KIAA1217: variants seen among roughly 807,000 people sequenced by gnomAD.
The protein encoded by KIAA1217 is KIAA1217, also known as sickle tail protein homolog.
Under a neutral mutation model 163.9 loss-of-function variants are expected in KIAA1217, and 88 were observed. The ratio of observed to expected loss-of-function variants is 0.54; its 90% CI spans 0.45 to 0.64. The LOEUF (loss-of-function observed/expected upper bound fraction) is 0.64, where lower values mean the gene tolerates loss of function less well. Ranked by LOEUF, KIAA1217 falls within the 30% of genes least tolerant of loss-of-function variation. The probability of loss-of-function intolerance (pLI) is 0.00; values close to 1 mark genes in which losing one functional copy is unlikely to be tolerated. For synonymous variants in KIAA1217, 903 were observed against 923.1 expected, an observed-to-expected ratio of 0.98 and a Z score of 0.39; for missense variants, 2,372 against 2,475.0, an observed-to-expected ratio of 0.96 and a Z score of 0.88.
intron 7 of KIAA1217, 22 bp from the exon 8 acceptor site, chr10:24,495,125 A>C (rs1469304256): frequency 1.2e-6 from 2 of 1,603,800 alleles, no homozygotes; most frequent in Non-Finnish European, 1.7e-6. Context: ...TGCATAGCTG[A>C]CTCTCTTTTT....
chr10:24,488,086 A>G (rs1002544921), intron 6 of KIAA1217, among the ~76,000 whole-genome samples: 1 of 152,218 alleles, frequency 6.6e-6, no homozygotes, highest in Non-Finnish European at 1.5e-5. Flanking sequence ...GTTTGTATGA[A>G]TAAGAGAAAT....
intron 2 of KIAA1217, among the ~76,000 whole-genome samples, chr10:24,276,826 T>TCA (rs1480541986): frequency 6.6e-6 from 1 of 152,086 alleles, no homozygotes; most frequent in Non-Finnish European, 1.5e-5. Flanking sequence ...GCCAGGCTGG[T>TCA]CTGGAACTCC....
intron 1 of KIAA1217, among the ~76,000 whole-genome samples, chr10:23,799,204 C>A (rs1285008227): frequency 6.6e-6 from 1 of 152,128 alleles, no homozygotes; most frequent in Non-Finnish European, 1.5e-5. Context: ...AGGCCCAACC[C>A]TAACAACTTC....
chr10:24,171,482 TA>T (rs1208041347), intron 2 of KIAA1217, among the ~76,000 whole-genome samples: 1 of 152,248 alleles, frequency 6.6e-6, no homozygotes, highest in East Asian at 1.9e-4. Flanking sequence ...TAAATGTTTT[TA>T]AAAGTTAATA....
At chr10:23,832,915 T>C (rs1016338049) in intron 1 of KIAA1217, among the ~76,000 whole-genome samples, 6 of 151,962 alleles carry the variant, frequency 3.9e-5, no homozygotes, top group Non-Finnish European at 7.4e-5. Flanking sequence ...AAAACTCCCT[T>C]TTTGAAAAAC....
At chr10:23,850,346 G>C (rs1839249777) in intron 1 of KIAA1217, among the ~76,000 whole-genome samples, 1 of 152,126 alleles carries the variant, frequency 6.6e-6, no homozygotes, top group African/African-American at 2.4e-5. Context: ...GAATAGCACA[G>C]AGAAGAGTAA....
intron 2 of KIAA1217, among the ~76,000 whole-genome samples, chr10:24,325,233 C>T (rs78987736): frequency 0.031 from 4,732 of 152,216 alleles, 249 homozygotes; most frequent in African/African-American, 0.11. Flanking sequence ...AGTGGTTATA[C>T]TGGGGATTTT....
chr10:23,847,466 T>C (rs976405589), intron 1 of KIAA1217, among the ~76,000 whole-genome samples: 1 of 152,200 alleles, frequency 6.6e-6, no homozygotes, highest in Non-Finnish European at 1.5e-5. Flanking sequence ...AGGGTGTATG[T>C]GTCCAGGAAT....
intron 2 of KIAA1217, among the ~76,000 whole-genome samples, chr10:24,045,839 A>G (rs933369548): frequency 5.9e-5 from 9 of 152,168 alleles, no homozygotes; most frequent in Non-Finnish European, 1.2e-4. Flanking sequence ...AATGGTCTCA[A>G]TTGAGCCCTA....
intron 2 of KIAA1217, among the ~76,000 whole-genome samples, chr10:24,261,029 A>G (rs1277819117): frequency 6.6e-6 from 1 of 152,220 alleles, no homozygotes; most frequent in Admixed American, 6.5e-5. Flanking sequence ...TATGTGAAGT[A>G]AATACTGAAT....
Position 24,474,057 on chromosome 10 carries a change from C to A in KIAA1217, c.1676C>A (p.Thr559Asn). The A allele has an allele frequency of 1.3e-6, 2 of 1,598,198 alleles. No individual in the cohort carries two copies. Among genetic ancestry groups the A allele is most frequent in the Non-Finnish European group, 8.5e-7 (1 of 1,171,434 alleles). ...GCGACAATACCCAAAGACAGAGAGA[C>A]CAGGTAAGGTGCAGTGAGGGTGACC... ...STATIPKDRE[T>N]RERMQAMEKQ... Residue 559 changes from threonine (T) to asparagine (N), a missense_variant, in exon 6 of 21, where the codon ACC becomes AAC. Thr to Asn is a moderately conservative substitution (Grantham distance 65, BLOSUM62 0). This residue lies in a region of KIAA1217 where 1,431 missense variants were observed against 1,470.3 expected (regional missense o/e 0.97). Coordinates refer to ENST00000376454, the MANE Select transcript of KIAA1217 (RefSeq NM_019590.5).
intron 1 of KIAA1217, among the ~76,000 whole-genome samples, chr10:23,723,551 T>G (rs1289577697): frequency 2.0e-5 from 3 of 152,206 alleles, no homozygotes; most frequent in African/African-American, 7.2e-5. Flanking sequence ...TCAGATTCAT[T>G]GTTGCACATT....
At chr10:24,098,760 TTA>T (rs2062268379) in intron 2 of KIAA1217, among the ~76,000 whole-genome samples, 1 of 146,838 alleles carries the variant, frequency 6.8e-6, no homozygotes, top group African/African-American at 2.6e-5. Flanking sequence ...TGTGTGTGTG[TTA>T]GAGAGAGACA....
chr10:24,422,626 A>G (rs1263885182), intron 3 of KIAA1217, among the ~76,000 whole-genome samples: 1 of 152,240 alleles, frequency 6.6e-6, no homozygotes, highest in Non-Finnish European at 1.5e-5. Context: ...GGAAATCAGC[A>G]TCTTTCACTC....
At chr10:23,843,522 C>G (rs552586834) in intron 1 of KIAA1217, among the ~76,000 whole-genome samples, 1 of 152,106 alleles carries the variant, frequency 6.6e-6, no homozygotes, top group Non-Finnish European at 1.5e-5. Context: ...ACTTGGTGCT[C>G]TTTAACATCT....
intron 1 of KIAA1217, among the ~76,000 whole-genome samples, chr10:23,750,951 C>A (rs1452548575): frequency 6.6e-6 from 1 of 151,116 alleles, no homozygotes; most frequent in Non-Finnish European, 1.5e-5. Flanking sequence ...CCCTTCCCTT[C>A]CCTTCCCCTC....
chr10:23,729,461 G>A (rs1838352982), intron 1 of KIAA1217, among the ~76,000 whole-genome samples: 1 of 152,110 alleles, frequency 6.6e-6, no homozygotes, highest in African/African-American at 2.4e-5. Context: ...CTAGCATTTG[G>A]TGGTGTCAGA....
chr10:24,043,080 C>T (rs1848729964), intron 2 of KIAA1217, among the ~76,000 whole-genome samples: 1 of 151,978 alleles, frequency 6.6e-6, no homozygotes, highest in Non-Finnish European at 1.5e-5. Context: ...GGATATTTGC[C>T]CAGGAATTGA....
chr10:24,395,872 G>A (rs2055668418), intron 3 of KIAA1217, among the ~76,000 whole-genome samples: 1 of 152,042 alleles, frequency 6.6e-6, no homozygotes. Flanking sequence ...TGTAGGGACG[G>A]GGGTCTCACG....
Sources: gnomAD v4.1 joint callset for allele counts (sites outside exome capture counted in the v4.1 genomes callset) on GRCh38, gnomAD v4.1.1 for gene constraint, gnomAD v4.1.1 regional missense constraint, MANE v1.5 for transcripts, NCBI Gene and HGNC (gene_info 2026-07-23, HGNC 2026-07-21) for gene names.